The following ERRFI1 variants were observed in gnomAD, a reference collection of about 807,000 sequenced individuals.
ERRFI1 encodes ERBB receptor feedback inhibitor 1.
Under a neutral mutation model 14.6 loss-of-function variants are expected in ERRFI1, and 12 were observed. That is an observed-to-expected ratio of 0.82 (90% CI 0.53 to 1.33). The LOEUF is 1.33. Ranked by LOEUF, ERRFI1 falls within the 40% of genes most tolerant of loss-of-function variation. The pLI is 0.00. For synonymous variants in ERRFI1, 202 were observed against 209.9 expected, an observed-to-expected ratio of 0.96 and a Z score of 0.32; for missense variants, 482 against 572.1, an observed-to-expected ratio of 0.84 and a Z score of 1.61.
chr1:8,015,774 A>G (rs539136670), intron 1 of ERRFI1, 82 bp from the exon 2 acceptor site: 1 of 914,896 alleles, frequency 1.1e-6, no homozygotes. Flanking sequence ...CAGCAAAGCT[A>G]ACAGAGGATT....
intron 1 of ERRFI1, among the ~76,000 whole-genome samples, chr1:8,020,374 A>G (rs971995908): frequency 6.6e-6 from 1 of 152,206 alleles, no homozygotes; most frequent in Admixed American, 6.5e-5. Context: ...AAGGAAGATA[A>G]TAAGGTAACT....
chr1:8,025,732 C>T (rs139146324), intron 1 of ERRFI1, among the ~76,000 whole-genome samples: 1,816 of 152,136 alleles, frequency 0.012, 35 homozygotes, highest in African/African-American at 0.041. Context: ...CGAGCGCAGG[C>T]TGCGGGACGA....
At chr1:8,021,719 G>A (rs1023982311) in intron 1 of ERRFI1, among the ~76,000 whole-genome samples, 16 of 152,176 alleles carry the variant, frequency 1.1e-4, no homozygotes, top group African/African-American at 3.9e-4. Flanking sequence ...TGCTTTATGT[G>A]TATGAACTCA....
rs552800507 is a variant in ERRFI1 at position 8,013,958 on chromosome 1, G to A, written c.641C>T (p.Thr214Ile). The change falls in exon 4 of 4, where the codon ACC (threonine) becomes ATC (isoleucine). Residue 214 changes from threonine (T) to isoleucine (I), a missense_variant. Transcript: ENST00000377482. This position sits in a 1 kb window ranked among gnomAD's most constrained non-coding sequence, Gnocchi z 4.3. ...GAGATCTGCTGCAGAAACAGCTGGG[G>A]TATCAAAATATGCATAGTTGATTTG... ...CGQINYAYFDTPAVSAADLSY... is the reference protein window; with the variant it reads ...CGQINYAYFDIPAVSAADLSY... 6.2e-7 allele frequency: 1 copy of A among 1,614,160 alleles called. No homozygotes were observed. The highest frequency in any genetic ancestry group is 1.3e-5 in the African/African-American group (1 of 75,040).
Position 8,012,142 on chromosome 1 carries a change from A to T in ERRFI1, c.*1068T>A, listed in dbSNP as rs915917937. ...GATGCTGATGTGACCTCTGGAATTC[A>T]GACATACTGAGCTATGGGTCAGAAG... On this transcript the variant is annotated 3_prime_UTR_variant, in exon 4 of 4. Coordinates refer to ENST00000377482, the MANE Select transcript of ERRFI1 (RefSeq NM_018948.4). 2.2e-4 allele frequency: 50 copies of T among 230,606 alleles called. 1 individual carries two copies. The East Asian group carries it at 3.1e-3, about 14-fold the overall frequency. 14.3% of individuals were successfully genotyped at this position (230,606 alleles called of 1,614,324 possible). A position where few individuals can be genotyped will look rare whatever the true frequency, so the allele number is the denominator to read the frequency against.
At chr1:8,020,208 A>G (rs997434442) in intron 1 of ERRFI1, among the ~76,000 whole-genome samples, 1 of 152,026 alleles carries the variant, frequency 6.6e-6, no homozygotes, top group Non-Finnish European at 1.5e-5. Context: ...TTGTCATACA[A>G]CTCATCCAGT....
In ERRFI1 at chr1:8,015,344, G is replaced by C; in HGVS notation, c.166C>G (p.Leu56Val). 6.2e-7 allele frequency: 1 copy of C among 1,614,190 alleles called. No homozygotes were observed. Among genetic ancestry groups the C allele is most frequent in the Non-Finnish European group, 8.5e-7 (1 of 1,179,992 alleles). The change falls in exon 3 of 4, where the codon CTG becomes GTG. Residue 56 changes from leucine (L) to valine (V), a missense_variant. Physicochemically the swap from Leu to Val is conservative, Grantham distance 32. Coordinates refer to ENST00000377482, the MANE Select transcript of ERRFI1 (RefSeq NM_018948.4). ...NIDPITMAYS[L>V]NSSAQERLIP... ...AGGCGCTCCTGAGCAGAAGAGTTCAGACTGTAGGCCATGGTTATCGGGTCA... is the reference window on the plus strand; with the variant it reads ...AGGCGCTCCTGAGCAGAAGAGTTCACACTGTAGGCCATGGTTATCGGGTCA...
In ERRFI1 at chr1:8,015,679, G is replaced by C; in HGVS notation, c.-60C>G. On this transcript the variant is annotated 5_prime_UTR_variant, in exon 2 of 4. Transcript: ENST00000377482. ...GGCCCAGGCACTTTAAAATCAACCA[G>C]TAGCTTTCATTCCCTGGGAGGTAGA... 1 of 1,606,152 alleles carries C rather than the reference G, an allele frequency of 6.2e-7. No individual in the cohort carries two copies.
rs1353973232 is a variant in ERRFI1, at chr1:8,013,901, G to A, written c.698C>T (p.Pro233Leu). Residue 233 changes from proline (P) to leucine (L), a missense_variant, in exon 4 of 4, where the codon CCA (proline) becomes CTA (leucine). Coordinates refer to ENST00000377482, the MANE Select transcript of ERRFI1 (RefSeq NM_018948.4). This position sits in a 1 kb window ranked among gnomAD's most constrained non-coding sequence, Gnocchi z 4.3. ...SYVSDQNGGV[P>L]DPNPPPPQTH... ...CTGAGGTGGAGGAGGATTTGGATCT[G>A]GGACACCTCCATTTTGGTCAGACAC... 1.2e-6 allele frequency: 2 copies of A among 1,613,950 alleles called. No individual in the cohort carries two copies. The highest frequency in any genetic ancestry group is 2.7e-5 in the African/African-American group (2 of 74,908).
At position 8,012,538 on chromosome 1, in the gene ERRFI1, G is replaced by A. The variant is rs541830490; in HGVS notation, c.*672C>T. On this transcript the variant is annotated 3_prime_UTR_variant, in exon 4 of 4. Coordinates refer to ENST00000377482, the MANE Select transcript of ERRFI1 (RefSeq NM_018948.4). ...GTGTGACAGGTACAGGTGACAATAT[G>A]GTTGCCAAGTAACCTGCTCTCCCTC... 4.4e-6 allele frequency: 1 copy of A among 225,524 alleles called. No individual in the cohort carries two copies. The highest frequency in any genetic ancestry group is 8.9e-6 in the Non-Finnish European group (1 of 112,984). The allele number at this position is 225,524 out of a possible 1,614,324, so 14.0% of individuals were successfully genotyped here. A position where few individuals can be genotyped will look rare whatever the true frequency, so the allele number is the denominator to read the frequency against.
At chr1:8,022,298 C>T (rs774878096) in intron 1 of ERRFI1, among the ~76,000 whole-genome samples, 3 of 152,314 alleles carry the variant, frequency 2.0e-5, no homozygotes, top group East Asian at 1.9e-4. Context: ...ATATACCCAA[C>T]GGGCCTCCTT....
chr1:8,020,779 A>G (rs1284234445), intron 1 of ERRFI1, among the ~76,000 whole-genome samples: 1 of 152,122 alleles, frequency 6.6e-6, no homozygotes, highest in Non-Finnish European at 1.5e-5. Flanking sequence ...TCCTGACCTC[A>G]GGTGATCCTC....
In ERRFI1 at chr1:8,019,297, T is replaced by C. The variant is rs11589219; in HGVS notation, c.-73-3605A>G. 5.0e-3 allele frequency among the ~76,000 whole-genome samples: 769 copies of C among 152,292 alleles called. 8 individuals are homozygous for C. The highest frequency in any genetic ancestry group is 8.1e-3 in the South Asian group (39 of 4,826). On this transcript the variant is annotated intron_variant, in intron 1 of 3. Coordinates refer to ENST00000377482, the MANE Select transcript of ERRFI1 (RefSeq NM_018948.4). ...GCCTGGCAATTTAGGGCCTCCACAATATAAACCTAATCTATATTTTCAAGC... is the reference window on the plus strand; with the variant it reads ...GCCTGGCAATTTAGGGCCTCCACAACATAAACCTAATCTATATTTTCAAGC...
chr1:8,025,163 A>C (rs1398634677), intron 1 of ERRFI1, among the ~76,000 whole-genome samples: 2 of 152,232 alleles, frequency 1.3e-5, no homozygotes, highest in African/African-American at 4.8e-5. Flanking sequence ...TACAGTCTCC[A>C]TTCTGACTTA....
At chr1:8,014,470 G>A in intron 3 of ERRFI1, 74 bp from the exon 4 acceptor site, 1 of 1,369,866 alleles carries the variant, frequency 7.3e-7, no homozygotes, top group South Asian at 1.4e-5. Flanking sequence ...GAGCACCCCA[G>A]CTACCTATGC....
chr1:8,025,801 G>A (rs1187599956), intron 1 of ERRFI1, among the ~76,000 whole-genome samples: 1 of 152,138 alleles, frequency 6.6e-6, no homozygotes. Flanking sequence ...CGGTGCTGCG[G>A]GGACGTATCC....
intron 3 of ERRFI1, 184 bp from the exon 4 acceptor site, chr1:8,014,580 C>T (rs1327688334): frequency 5.1e-6 from 3 of 591,352 alleles, no homozygotes; most frequent in East Asian, 2.8e-5. Context: ...AGATTCTTAA[C>T]GCACATGGTG....
At position 8,013,681 on chromosome 1, in the gene ERRFI1, A is replaced by G. The variant is rs1641126516; in HGVS notation, c.918T>C (p.Thr306=). Residue 306 remains threonine, a synonymous_variant, in exon 4 of 4, where the codon ACT becomes ACC. Coordinates refer to ENST00000377482, the MANE Select transcript of ERRFI1 (RefSeq NM_018948.4). The surrounding 1 kb of genome is among the most constrained non-coding windows in gnomAD (Gnocchi z 4.3). The stretch of plus-strand genomic sequence containing the variant: ...TGTCTTCATCACTATAGGTGCTCGA[A>G]GTAACTTCTGCTGACCATCTTCTAT... ...PDYRRWSAEV[T]SSTYSDEDRP... 3 of 1,614,110 alleles carry G rather than the reference A, an allele frequency of 1.9e-6. No homozygotes were observed. The highest frequency in any genetic ancestry group is 2.5e-6 in the Non-Finnish European group (3 of 1,180,026).
In ERRFI1 at chr1:8,014,414, T is replaced by C. The variant is rs139019424; in HGVS notation, c.203-18A>G. On this transcript the variant is annotated intron_variant, in intron 3 of 3. Coordinates refer to ENST00000377482, the MANE Select transcript of ERRFI1 (RefSeq NM_018948.4). ...AGCATGCCCTGGAATGAACGAGAGA[T>C]ATTAATAAAAGATCAACAATCCTCT... 682 of 1,536,140 alleles carry C rather than the reference T, an allele frequency of 4.4e-4. 6 individuals carry two copies. The South Asian group carries it at 8.2e-3, about 19-fold the overall frequency.
Sources: gnomAD v4.1 joint callset for allele counts (sites outside exome capture counted in the v4.1 genomes callset) on GRCh38, gnomAD v4.1.1 for gene constraint, Gnocchi (gnomAD v3.1) non-coding constraint, MANE v1.5 for transcripts, NCBI Gene and HGNC (gene_info 2026-07-23, HGNC 2026-07-21) for gene names.